NRXN3: variants seen among roughly 807,000 people sequenced by gnomAD.
The protein encoded by NRXN3 is neurexin III.
A neutral mutation model predicts 137.6 loss-of-function variants in NRXN3; 32 were observed. That is an observed-to-expected ratio of 0.23 (90% CI 0.18 to 0.31). NRXN3 has a LOEUF of 0.31. Ranked by LOEUF, NRXN3 falls within the 10% of genes least tolerant of loss-of-function variation. The pLI is 1.00. For synonymous variants in NRXN3, 798 were observed against 784.5 expected (o/e 1.02, Z -0.29); for missense variants, 1,574 against 2,062.5 (o/e 0.76, Z 4.59).
intron 16 of NRXN3, among the ~76,000 whole-genome samples, chr14:79,494,379 C>T (rs74070219): frequency 0.025 from 3,861 of 152,140 alleles, 188 homozygotes; most frequent in African/African-American, 0.089. Context: ...ATTTCTATTA[C>T]GTGAAAATTT....
In NRXN3 at chr14:78,254,705, CTGGAATACAT is replaced by C. The variant is rs368548763; in HGVS notation, c.709+10908_709+10917del. Reference sequence around the variant, plus strand: ...AAAAAAAAAAAAAAGATTGGAAGTTCTGGAATACATTGGAGAAGATGAAAAGGGGATTGGA... The same window carrying C: ...AAAAAAAAAAAAAAGATTGGAAGTTCTGGAGAAGATGAAAAGGGGATTGGA... On this transcript the variant is annotated intron_variant, in intron 2 of 20. Coordinates refer to ENST00000335750, the MANE Select transcript of NRXN3 (RefSeq NM_001330195.2). 1.2e-3 allele frequency among the ~76,000 whole-genome samples: 179 copies of C among 150,114 alleles called. 1 individual carries two copies. In the East Asian group the frequency reaches 0.03, roughly 25 times the overall value.
intron 19 of NRXN3, among the ~76,000 whole-genome samples, chr14:79,712,577 T>A (rs2098808286): frequency 6.6e-6 from 1 of 152,212 alleles, no homozygotes; most frequent in Non-Finnish European, 1.5e-5. Flanking sequence ...AACATTATAC[T>A]GTTATGACAA....
At chr14:78,502,631 A>G (rs2095901027) in intron 4 of NRXN3, among the ~76,000 whole-genome samples, 1 of 152,198 alleles carries the variant, frequency 6.6e-6, no homozygotes, top group Non-Finnish European at 1.5e-5. Flanking sequence ...CCTGTCAAAA[A>G]TGTCAGCTTT....
At chr14:78,643,801 C>T (rs2097658869) in intron 4 of NRXN3, among the ~76,000 whole-genome samples, 1 of 152,082 alleles carries the variant, frequency 6.6e-6, no homozygotes, top group African/African-American at 2.4e-5. Context: ...AAATAGTCTC[C>T]CACGGCTACT....
chr14:78,527,877 T>G (rs1285014546), intron 4 of NRXN3, among the ~76,000 whole-genome samples: 1 of 152,210 alleles, frequency 6.6e-6, no homozygotes, highest in Non-Finnish European at 1.5e-5. Flanking sequence ...AGATTATCAT[T>G]TGCTTATTTT....
chr14:79,687,886 T>A (rs914385307), intron 17 of NRXN3, among the ~76,000 whole-genome samples: 1 of 152,166 alleles, frequency 6.6e-6, no homozygotes, highest in African/African-American at 2.4e-5. Context: ...AGAAATCCAC[T>A]TTGTTTTGGA....
intron 16 of NRXN3, among the ~76,000 whole-genome samples, chr14:79,485,883 A>G (rs2096651494): frequency 6.6e-6 from 1 of 152,180 alleles, no homozygotes; most frequent in Non-Finnish European, 1.5e-5. Context: ...TTTTTCTTAG[A>G]GAGAATTCTG....
intron 4 of NRXN3, among the ~76,000 whole-genome samples, chr14:78,520,672 G>A (rs910013452): frequency 2.6e-5 from 4 of 152,142 alleles, no homozygotes; most frequent in Non-Finnish European, 5.9e-5. Context: ...AATGTAGACA[G>A]GTTATTCCCT....
chr14:78,957,422 G>A, intron 11 of NRXN3, 61 bp downstream of exon 11: 1 of 1,564,900 alleles, frequency 6.4e-7, no homozygotes, highest in Non-Finnish European at 8.7e-7. Flanking sequence ...GTCACTGAGT[G>A]AGCAAACAGT....
intron 16 of NRXN3, among the ~76,000 whole-genome samples, chr14:79,480,424 A>G (rs895199228): frequency 6.6e-6 from 1 of 152,218 alleles, no homozygotes. Context: ...CCTAAATACC[A>G]TGAATGCACA....
At chr14:78,651,033 A>G in intron 5 of NRXN3, 132 bp from the exon 6 acceptor site, 2 of 910,642 alleles carry the variant, frequency 2.2e-6, no homozygotes, top group Middle Eastern at 3.4e-4. Context: ...TACCAAAATC[A>G]AATCAAATTA....
chr14:79,614,817 C>A (rs1409700580), intron 16 of NRXN3, among the ~76,000 whole-genome samples: 2 of 152,230 alleles, frequency 1.3e-5, no homozygotes, highest in Non-Finnish European at 2.9e-5. Flanking sequence ...TCTTTCCTAA[C>A]TGCCCTATCA....
intron 17 of NRXN3, among the ~76,000 whole-genome samples, chr14:79,678,249 GGAAGT>G (rs1390196847): frequency 6.6e-6 from 1 of 152,106 alleles, no homozygotes; most frequent in Non-Finnish European, 1.5e-5. Flanking sequence ...ACTGCCATTT[GGAAGT>G]GAAGTCCCAA....
At chr14:78,593,305 G>A (rs2097132516) in intron 4 of NRXN3, among the ~76,000 whole-genome samples, 1 of 152,184 alleles carries the variant, frequency 6.6e-6, no homozygotes, top group Non-Finnish European at 1.5e-5. Context: ...TTTGAAGTGA[G>A]ACTGCACGAA....
At chr14:79,671,819 A>T (rs1195631123) in intron 17 of NRXN3, among the ~76,000 whole-genome samples, 2 of 152,054 alleles carry the variant, frequency 1.3e-5, no homozygotes, top group Admixed American at 6.6e-5. Flanking sequence ...ATTTCAAGGC[A>T]AACTGGAGCT....
Position 78,294,194 on chromosome 14 carries a change from G to C in NRXN3, c.728-3637G>C, listed in dbSNP as rs150703633. On this transcript the variant is annotated intron_variant, in intron 3 of 20. Transcript: ENST00000335750. ...TTATTGTCTGTCAGGTACTATAATA[G>C]GTGTTGCCTTACATGTCAGTACATT... 1.2e-4 allele frequency among the ~76,000 whole-genome samples: 18 copies of C among 152,224 alleles called. No homozygotes were observed. The East Asian group carries it at 3.3e-3, about 28-fold the overall frequency.
intron 15 of NRXN3, among the ~76,000 whole-genome samples, chr14:79,292,304 G>C (rs923008190): frequency 6.6e-6 from 1 of 152,184 alleles, no homozygotes; most frequent in African/African-American, 2.4e-5. Flanking sequence ...ACCCAAGAGT[G>C]AGGGACCCCC....
chr14:79,216,502 T>C (rs1268192717), intron 15 of NRXN3, among the ~76,000 whole-genome samples: 1 of 152,190 alleles, frequency 6.6e-6, no homozygotes, highest in Admixed American at 6.5e-5. Flanking sequence ...TGGAAGATGT[T>C]ACATCTGATT....
chr14:79,220,791 C>T (rs984540251), intron 15 of NRXN3, among the ~76,000 whole-genome samples: 14 of 151,852 alleles, frequency 9.2e-5, no homozygotes, highest in African/African-American at 3.1e-4. Flanking sequence ...TTCTGGGATA[C>T]ATGTGCAGAA....
Sources: allele counts gnomAD v4.1 joint callset (sites outside exome capture counted in the v4.1 genomes callset), GRCh38; gene constraint gnomAD v4.1.1; transcripts MANE v1.5; gene names NCBI Gene and HGNC (gene_info 2026-07-23, HGNC 2026-07-21).